The following ME3 variants were observed in gnomAD, a reference collection of about 807,000 sequenced individuals.
ME3 encodes the protein NADP-dependent malic enzyme, mitochondrial.
Under a neutral mutation model 68.9 loss-of-function variants are expected in ME3, and 48 were observed. That is an observed-to-expected ratio of 0.70 (90% CI 0.55 to 0.89). The LOEUF (loss-of-function observed/expected upper bound fraction) is 0.89. Ranked by LOEUF, ME3 falls within the 40% of genes least tolerant of loss-of-function variation. The probability of loss-of-function intolerance (pLI) is 0.00; values close to 1 mark genes in which losing one functional copy is unlikely to be tolerated. For synonymous variants in ME3, 320 were observed against 318.8 expected, an observed-to-expected ratio of 1.00 and a Z score of -0.04; for missense variants, 675 against 797.4, an observed-to-expected ratio of 0.85 and a Z score of 1.85.
intron 2 of ME3, among the ~76,000 whole-genome samples, chr11:86,658,004 C>A (rs72957470): frequency 0.065 from 9,908 of 152,136 alleles, 396 homozygotes; most frequent in East Asian, 0.14. Flanking sequence ...AGGTTGGCAA[C>A]CCTCAGCATC....
intron 2 of ME3, among the ~76,000 whole-genome samples, chr11:86,599,356 G>A (rs1195098907): frequency 1.3e-5 from 2 of 152,150 alleles, no homozygotes; most frequent in Non-Finnish European, 2.9e-5. Context: ...TATCAGTGAT[G>A]GAAGATGAAA....
At chr11:86,624,917 G>A (rs1005144480) in intron 2 of ME3, among the ~76,000 whole-genome samples, 1 of 152,184 alleles carries the variant, frequency 6.6e-6, no homozygotes, top group Non-Finnish European at 1.5e-5. Flanking sequence ...TGTAGCATGT[G>A]GAGCCCTGCA....
intron 2 of ME3, 144 bp from the exon 3 acceptor site, chr11:86,559,967 A>G (rs1957125558): frequency 2.4e-6 from 2 of 832,620 alleles, no homozygotes; most frequent in Non-Finnish European, 3.4e-6. Flanking sequence ...TCTGCTATTA[A>G]AGTAGGAGGG....
chr11:86,482,054 C>G (rs1233397773), intron 7 of ME3, among the ~76,000 whole-genome samples: 2 of 152,196 alleles, frequency 1.3e-5, no homozygotes, highest in East Asian at 1.9e-4. Flanking sequence ...CTTTGACTTG[C>G]AGTTATCCAT....
chr11:86,523,553 A>C (rs987030941), intron 4 of ME3, among the ~76,000 whole-genome samples: 16 of 152,220 alleles, frequency 1.1e-4, no homozygotes, highest in African/African-American at 3.6e-4. Context: ...ATATTGCTCT[A>C]TCCTCTTTTT....
chr11:86,442,862 G>T, exon 14 of ME3: 2 of 1,613,708 alleles, frequency 1.2e-6, no homozygotes, highest in Non-Finnish European at 1.7e-6. Flanking sequence ...ATGGTGCTGA[G>T]TGGTGGGTAG....
At chr11:86,549,580 G>C (rs1412361000) in intron 4 of ME3, among the ~76,000 whole-genome samples, 1 of 152,168 alleles carries the variant, frequency 6.6e-6, no homozygotes, top group Non-Finnish European at 1.5e-5. Context: ...CCGGCCACAC[G>C]GGGTACACGG....
intron 2 of ME3, among the ~76,000 whole-genome samples, chr11:86,607,452 GTTTTTT>G (rs146485846): frequency 1.6e-4 from 21 of 133,524 alleles, no homozygotes; most frequent in Admixed American, 8.5e-4. Context: ...GAGAGGCATA[GTTTTTT>G]TTTTTTTTTT....
chr11:86,442,332 T>C (rs1593967272), intron 14 of ME3, among the ~76,000 whole-genome samples: 1 of 152,186 alleles, frequency 6.6e-6, no homozygotes, highest in African/African-American at 2.4e-5. Flanking sequence ...TGGAGCTTTT[T>C]CACTGTTCTC....
chr11:86,458,434 C>G (rs905083993), intron 8 of ME3, among the ~76,000 whole-genome samples: 4 of 152,148 alleles, frequency 2.6e-5, no homozygotes, highest in African/African-American at 9.7e-5. Context: ...TAGGGTTAGG[C>G]CTGTTTTGCC....
At position 86,560,748 on chromosome 11, in the gene ME3, G is replaced by GTGTATGTGTATATATATATATATA. The variant is rs1243025217; in HGVS notation, c.184-926_184-925insTATATATATATATATACACATACA. On this transcript the variant is annotated intron_variant, in intron 2 of 14. Coordinates refer to ENST00000543262, the Ensembl canonical transcript of ME3. The stretch of plus-strand genomic sequence containing the variant: ...TGTATGTGTGTGTGTGTGTGTGTGT[G>GTGTATGTGTATATATATATATATA]TATATATATATATATATATATATAT... Among the ~76,000 whole-genome samples, 522 of 62,370 alleles carry GTGTATGTGTATATATATATATATA rather than the reference G, an allele frequency of 8.4e-3. 13 individuals are homozygous for GTGTATGTGTATATATATATATATA. Among genetic ancestry groups the GTGTATGTGTATATATATATATATA allele is most frequent in the East Asian group, 0.043 (63 of 1,464 alleles). 40.9% of individuals were successfully genotyped at this position (62,370 alleles called of 152,430 possible).
At chr11:86,517,461 T>C (rs1284867895) in intron 4 of ME3, among the ~76,000 whole-genome samples, 1 of 152,188 alleles carries the variant, frequency 6.6e-6, no homozygotes, top group Non-Finnish European at 1.5e-5. Context: ...CAGCATAATA[T>C]GGCTAAGAAA....
intron 2 of ME3, among the ~76,000 whole-genome samples, chr11:86,580,237 A>G (rs1279988191): frequency 1.3e-5 from 2 of 152,152 alleles, no homozygotes; most frequent in Admixed American, 6.6e-5. Context: ...CCCTGAAGGA[A>G]GCGATGTTGA....
chr11:86,534,617 G>A lies in ME3; in HGVS notation c.467+21936C>T, dbSNP rs1392452261. 2.6e-5 allele frequency among the ~76,000 whole-genome samples: 4 copies of A among 152,170 alleles called. No individual in the cohort carries two copies. The East Asian group carries it at 7.7e-4, about 29-fold the overall frequency. On this transcript the variant is annotated intron_variant, in intron 4 of 14. Transcript: ENST00000543262. ...TTAAACCTATGAGGTGGAGGTTGCA[G>A]TGAGCCGAGATCATGCCACTGCACT...
intron 2 of ME3, among the ~76,000 whole-genome samples, chr11:86,653,204 A>G: frequency 6.6e-6 from 1 of 152,136 alleles, no homozygotes. Flanking sequence ...AAAGTTAACA[A>G]GGATACCCAG....
intron 2 of ME3, among the ~76,000 whole-genome samples, chr11:86,650,123 G>A (rs778319642): frequency 6.6e-6 from 1 of 152,148 alleles, no homozygotes; most frequent in South Asian, 2.1e-4. Flanking sequence ...TAGACTAATG[G>A]AACAGAACAG....
At chr11:86,610,872 AAACAGCACC>A (rs780723837) in intron 2 of ME3, among the ~76,000 whole-genome samples, 20 of 152,168 alleles carry the variant, frequency 1.3e-4, no homozygotes, top group Non-Finnish European at 2.6e-4. Flanking sequence ...TTGCTGAACA[AAACAGCACC>A]AACTGTTGGC....
At chr11:86,522,680 T>C (rs1954414018) in intron 4 of ME3, among the ~76,000 whole-genome samples, 1 of 152,186 alleles carries the variant, frequency 6.6e-6, no homozygotes, top group Admixed American at 6.5e-5. Flanking sequence ...GGCTTCCAGC[T>C]TCATCCATAT....
intron 8 of ME3, among the ~76,000 whole-genome samples, chr11:86,450,735 A>G (rs187828712): frequency 2.0e-3 from 304 of 152,346 alleles, no homozygotes; most frequent in African/African-American, 6.7e-3. Flanking sequence ...ATAGAATTAT[A>G]TAAGGGCTAA....
Sources: gnomAD v4.1 joint callset for allele counts (sites outside exome capture counted in the v4.1 genomes callset) on GRCh38, gnomAD v4.1.1 for gene constraint, MANE v1.5 for transcripts, NCBI Gene and HGNC (gene_info 2026-07-23, HGNC 2026-07-21) for gene names.